Variants in ESRRB observed in about 807,000 individuals in gnomAD.
The protein encoded by ESRRB is estrogen related receptor beta.
ESRRB carries 16 observed loss-of-function variants against 46.0 expected under a neutral mutation model. The observed-to-expected ratio is 0.35, with a 90% CI of 0.24 to 0.53. ESRRB has a LOEUF of 0.53. Among genes scored for constraint, ESRRB ranks in the 20% least tolerant of loss-of-function variants. ESRRB has a pLI of 0.93. For synonymous variants in ESRRB, 246 were observed against 259.6 expected (o/e 0.95, Z 0.50); for missense variants, 488 against 607.4 (o/e 0.80, Z 2.07).
At chr14:76,358,797 G>C (rs910246485) in intron 1 of ESRRB, among the ~76,000 whole-genome samples, 1 of 152,194 alleles carries the variant, frequency 6.6e-6, no homozygotes, top group Non-Finnish European at 1.5e-5. Context: ...TGAAGCTGAA[G>C]ATATGGATAG....
At chr14:76,335,318 G>A (rs1449730220) in intron 1 of ESRRB, among the ~76,000 whole-genome samples, 1 of 152,160 alleles carries the variant, frequency 6.6e-6, no homozygotes, top group Admixed American at 6.5e-5. Flanking sequence ...GAGCCAGTAT[G>A]TACCCAGTAT....
intron 1 of ESRRB, among the ~76,000 whole-genome samples, chr14:76,423,142 CTTTTTT>C (rs397853103): frequency 8.9e-6 from 1 of 112,796 alleles, no homozygotes; most frequent in Non-Finnish European, 1.8e-5. Context: ...CTTTCATAAC[CTTTTTT>C]TTTTTTTTTT....
intron 1 of ESRRB, among the ~76,000 whole-genome samples, chr14:76,365,907 G>C (rs556361671): frequency 6.6e-6 from 1 of 152,298 alleles, no homozygotes; most frequent in Non-Finnish European, 1.5e-5. Flanking sequence ...TACAGAAAAT[G>C]CCTCTCTTAT....
intron 1 of ESRRB, among the ~76,000 whole-genome samples, chr14:76,357,343 C>A (rs142555187): frequency 6.6e-6 from 1 of 152,264 alleles, no homozygotes; most frequent in East Asian, 1.9e-4. Flanking sequence ...CATTTCTCCT[C>A]GGACAGCTGA....
At chr14:76,431,478 G>A (rs1350648732) in intron 1 of ESRRB, among the ~76,000 whole-genome samples, 1 of 152,138 alleles carries the variant, frequency 6.6e-6, no homozygotes, top group African/African-American at 2.4e-5. Context: ...GCAGAGCAAT[G>A]TCCAGCCAAG....
rs4293299 is a variant in ESRRB at position 76,499,619 on chromosome 14, T to G, written c.*1161T>G. 0.24 allele frequency: 134,986 copies of G among 571,954 alleles called. 17,093 individuals carry two copies. Among genetic ancestry groups the G allele is most frequent in the South Asian group, 0.4 (20,842 of 51,568 alleles). 35.4% of individuals were successfully genotyped at this position (571,954 alleles called of 1,614,324 possible). ...GGGTGCCCTCCTACCACACTTGGGC[T>G]ACCAGAGGTTTGGTGTAGCTCCCCT... On this transcript the variant is annotated 3_prime_UTR_variant, in exon 7 of 7. Transcript: ENST00000644823.
chr14:76,380,101 C>T (rs1884949223), intron 1 of ESRRB, among the ~76,000 whole-genome samples: 1 of 152,142 alleles, frequency 6.6e-6, no homozygotes, highest in African/African-American at 2.4e-5. Context: ...CCTGCGTGTG[C>T]TCCATTCATA....
intron 1 of ESRRB, among the ~76,000 whole-genome samples, chr14:76,429,086 C>T (rs113638370): frequency 1.4e-4 from 21 of 152,158 alleles, no homozygotes; most frequent in African/African-American, 5.1e-4. Context: ...GGCACCACCA[C>T]AGAGACGGGG....
intron 1 of ESRRB, among the ~76,000 whole-genome samples, chr14:76,413,896 T>TCCCCCG (rs1415929482): frequency 2.2e-4 from 8 of 35,606 alleles, no homozygotes; most frequent in South Asian, 1.3e-3. Context: ...CCCTGCACCG[T>TCCCCCG]CCCCTGCCCC....
rs114106867 is a variant in ESRRB, at chr14:76,487,764, C to T, written c.851-3683C>T. Among the ~76,000 whole-genome samples the T allele has an allele frequency of 5.1e-3, 777 of 152,046 alleles. 9 individuals are homozygous for T. The highest frequency in any genetic ancestry group is 0.018 in the African/African-American group (739 of 41,448). On this transcript the variant is annotated intron_variant, in intron 5 of 6. Coordinates refer to ENST00000644823, the MANE Select transcript of ESRRB (RefSeq NM_001379180.1). ...GATCACAGGCATGCACCACCATGTC[C>T]GGCTAATTTTTAAATTATTTGTAGA...
chr14:76,327,535 T>C (rs1883949889), intron 1 of ESRRB, among the ~76,000 whole-genome samples: 1 of 152,082 alleles, frequency 6.6e-6, no homozygotes, highest in Admixed American at 6.5e-5. Context: ...CACTGCGCTC[T>C]CTCCTGTCTT....
chr14:76,407,785 A>T (rs1886253896), intron 1 of ESRRB, among the ~76,000 whole-genome samples: 1 of 152,232 alleles, frequency 6.6e-6, no homozygotes, highest in Non-Finnish European at 1.5e-5. Flanking sequence ...TGGCACTGGG[A>T]TGCTGAGCAG....
At chr14:76,311,242 C>G (rs1883729666) in intron 1 of ESRRB, among the ~76,000 whole-genome samples, 1 of 152,126 alleles carries the variant, frequency 6.6e-6, no homozygotes, top group Non-Finnish European at 1.5e-5. Context: ...GTAAGTACAT[C>G]AGAAGGGCAA....
intron 1 of ESRRB, among the ~76,000 whole-genome samples, chr14:76,317,300 T>C (rs932893248): frequency 1.3e-5 from 2 of 148,876 alleles, no homozygotes; most frequent in Admixed American, 1.3e-4. Flanking sequence ...AAATTATTGC[T>C]GATTAGGCTC....
intron 1 of ESRRB, among the ~76,000 whole-genome samples, chr14:76,398,966 A>G (rs191794834): frequency 6.6e-6 from 1 of 152,160 alleles, no homozygotes; most frequent in Non-Finnish European, 1.5e-5. Context: ...ATGCAGTTGC[A>G]TAGGTGGGTT....
chr14:76,417,664 G>T (rs1238430941), intron 1 of ESRRB, among the ~76,000 whole-genome samples: 1 of 152,192 alleles, frequency 6.6e-6, no homozygotes, highest in Non-Finnish European at 1.5e-5. Context: ...TAACTGGTTG[G>T]AAGTGTTTGC....
intron 1 of ESRRB, among the ~76,000 whole-genome samples, chr14:76,358,415 A>AAAGAAAGAAAG (rs1566859751): frequency 7.0e-6 from 1 of 143,870 alleles, no homozygotes. Flanking sequence ...AAGAAAGAAA[A>AAAGAAAGAAAG]GAAAAGAAAA....
chr14:76,370,101 G>A (rs1884584791), upstream of ESRRB, among the ~76,000 whole-genome samples: 1 of 151,932 alleles, frequency 6.6e-6, no homozygotes, highest in Admixed American at 6.6e-5. Context: ...TGCTCAAATT[G>A]TTGCCAAAGC....
intron 1 of ESRRB, among the ~76,000 whole-genome samples, chr14:76,438,202 G>A (rs987716823): frequency 3.3e-5 from 5 of 152,124 alleles, no homozygotes; most frequent in Non-Finnish European, 1.5e-5. Context: ...AACCCAAAGG[G>A]CAGCCAATCT....
Sources: allele counts gnomAD v4.1 joint callset (sites outside exome capture counted in the v4.1 genomes callset), GRCh38; gene constraint gnomAD v4.1.1; transcripts MANE v1.5; gene names NCBI Gene and HGNC (gene_info 2026-07-23, HGNC 2026-07-21).